Variants in MYH7 observed in about 807,000 individuals in gnomAD.
MYH7 encodes the protein myosin-7.
In MYH7, 129 loss-of-function variants were observed where a neutral mutation model predicts 225.4. The ratio of observed to expected loss-of-function variants is 0.57; its 90% CI spans 0.50 to 0.66. The LOEUF (loss-of-function observed/expected upper bound fraction) is 0.66. MYH7 is among the 30% of genes least tolerant of loss of function. The pLI is 0.00. For synonymous variants in MYH7, 971 were observed against 1,007.6 expected, an observed-to-expected ratio of 0.96 and a Z score of 0.69; for missense variants, 1,649 against 2,517.0, an observed-to-expected ratio of 0.66 and a Z score of 7.38.
rs1892131883 is a variant in MYH7 at position 23,415,098 on chromosome 14, A to C, written c.5456T>G (p.Val1819Gly). Residue 1819 changes from valine to glycine, a missense_variant, in exon 37 of 40, where the codon GTG (valine) becomes GGG (glycine). This residue lies in a region of MYH7 where 687 missense variants were observed against 913.8 expected (regional missense o/e 0.75). Coordinates refer to ENST00000355349, the MANE Select transcript of MYH7 (RefSeq NM_000257.4). The surrounding 1 kb of genome is among the most constrained non-coding windows in gnomAD (Gnocchi z 6.3). ...KKQLQKLEAR[V>G]RELENELEAE... ...CTCCAGCTCATTCTCCAGCTCCCGC[A>C]CCCGCGCTTCCAGCTTCTGCAGCTG... is the stretch of plus-strand genomic sequence containing the variant. 1 of 1,613,950 alleles carries C rather than the reference A, an allele frequency of 6.2e-7. No homozygotes were observed. Among genetic ancestry groups the C allele is most frequent in the East Asian group, 2.2e-5 (1 of 44,876 alleles).
intron 10 of MYH7, 78 bp downstream of exon 10, chr14:23,430,823 C>A (rs1892899807): frequency 7.6e-7 from 1 of 1,316,778 alleles, no homozygotes. Context: ...CCAGGGCATG[C>A]CAGCTGAGTC....
intron 13 of MYH7, 34 bp downstream of exon 13, chr14:23,429,195 C>G (rs578110720): frequency 6.2e-7 from 1 of 1,613,810 alleles, no homozygotes; most frequent in Non-Finnish European, 8.5e-7. Context: ...TCTCCCTACC[C>G]TGCCCACCCA....
intron 14 of MYH7, 58 bp downstream of exon 14, chr14:23,428,897 T>C (rs1230854886): frequency 1.2e-6 from 2 of 1,613,126 alleles, no homozygotes; most frequent in African/African-American, 2.7e-5. Context: ...AGCAAATAGC[T>C]GTTGAATGTG....
chr14:23,413,317 C>A lies in MYH7; in HGVS notation c.5790+442G>T, dbSNP rs192106139. Reference sequence around the variant, plus strand: ...GAGCTGAGCTGGGAGTGGTGGCTCACGCCTGTAATCCCGTACTTTGGGAGG... The same window carrying A: ...GAGCTGAGCTGGGAGTGGTGGCTCAAGCCTGTAATCCCGTACTTTGGGAGG... On this transcript the variant is annotated intron_variant, in intron 39 of 39. Transcript: ENST00000355349. Among the ~76,000 whole-genome samples the A allele has an allele frequency of 2.6e-5, 4 of 152,264 alleles. No homozygotes were observed. In the South Asian group the frequency reaches 6.2e-4, roughly 24 times the overall value.
Position 23,431,466 on chromosome 14 carries a change from T to C in MYH7, c.748A>G (p.Ile250Val), listed in dbSNP as rs397516268. ...AACTTTCCTGTTGCCCCAAAATGAATTCGAATGAATTTCCCCTGGAGAGAT... is the reference window on the plus strand; with the variant it reads ...AACTTTCCTGTTGCCCCAAAATGAACTCGAATGAATTTCCCCTGGAGAGAT... ...NSSRFGKFIRIHFGATGKLAS... is the reference protein window; with the variant it reads ...NSSRFGKFIRVHFGATGKLAS... Residue 250 changes from isoleucine (I) to valine (V), a missense_variant, in exon 9 of 40, where the codon ATT becomes GTT. Coordinates refer to ENST00000355349, the MANE Select transcript of MYH7 (RefSeq NM_000257.4). The C allele has an allele frequency of 1.2e-6, 2 of 1,614,126 alleles. No homozygotes were observed. Among genetic ancestry groups the C allele is most frequent in the Admixed American group, 1.7e-5 (1 of 60,022 alleles).
In MYH7 at chr14:23,431,014, G is replaced by A. The variant is rs759582547; in HGVS notation, c.797-15C>T. Reference sequence around the variant, plus strand: ...TTCCAGAAGATCTGTGAACAGGTGGGGAGAAGAAGGAGAGAAAGAAAAGTT... The same window carrying A: ...TTCCAGAAGATCTGTGAACAGGTGGAGAGAAGAAGGAGAGAAAGAAAAGTT... On this transcript the variant is annotated splice_polypyrimidine_tract_variant and intron_variant, in intron 9 of 39. Coordinates refer to ENST00000355349, the MANE Select transcript of MYH7 (RefSeq NM_000257.4). 6.4e-7 allele frequency: 1 copy of A among 1,564,578 alleles called. No homozygotes were observed.
intron 6 of MYH7, 78 bp from the exon 7 acceptor site, chr14:23,431,947 G>A: frequency 6.9e-7 from 1 of 1,458,012 alleles, no homozygotes. Context: ...GAGAATGCCT[G>A]GGCCTACCCG....
intron 30 of MYH7, 58 bp downstream of exon 30, chr14:23,418,152 G>T (rs1892304783): frequency 1.2e-6 from 2 of 1,611,456 alleles, no homozygotes; most frequent in East Asian, 4.5e-5. Context: ...GGCTGGGGCT[G>T]GGCTGAGTCC....
chr14:23,430,581 A>G lies in MYH7; in HGVS notation c.978T>C (p.Ala326=), dbSNP rs1317115671. The G allele has an allele frequency of 6.2e-7, 1 of 1,613,824 alleles. No individual in the cohort carries two copies. Among genetic ancestry groups the G allele is most frequent in the Non-Finnish European group, 8.5e-7 (1 of 1,179,880 alleles). The part of the protein sequence containing the change: ...GETTVASIDD[A]EELMATDNAF... The stretch of plus-strand genomic sequence containing the variant: ...TCACATCAGTGGCCATGAGCTCCTC[A>G]GCGTCATCAATGGAGGCCACGGTGG... Residue 326 remains alanine, a synonymous_variant, in exon 11 of 40, where the codon GCT becomes GCC. Coordinates refer to ENST00000355349, the MANE Select transcript of MYH7 (RefSeq NM_000257.4).
chr14:23,415,282 A>T lies in MYH7; in HGVS notation c.5284-12T>A, dbSNP rs1892143308. 3 of 1,614,160 alleles carry T rather than the reference A, an allele frequency of 1.9e-6. No individual in the cohort carries two copies. The East Asian group carries it at 6.7e-5, about 36-fold the overall frequency. On this transcript the variant is annotated splice_polypyrimidine_tract_variant and intron_variant, in intron 36 of 39. Transcript: ENST00000355349. This position sits in a 1 kb window ranked among gnomAD's most constrained non-coding sequence, Gnocchi z 6.3. ...GCCATCATGGCGGCCTGTGTGCAGGAGAGAGGTGGCACATGGTCTGGTCAA... is the reference window on the plus strand; with the variant it reads ...GCCATCATGGCGGCCTGTGTGCAGGTGAGAGGTGGCACATGGTCTGGTCAA...
rs121913630 is a variant in MYH7 at position 23,425,814 on chromosome 14, G to A, written c.2167C>T (p.Arg723Cys). The A allele has an allele frequency of 2.2e-5, 36 of 1,613,830 alleles. No individual in the cohort carries two copies. Among genetic ancestry groups the A allele is most frequent in the Non-Finnish European group, 2.9e-5 (34 of 1,179,882 alleles). Residue 723 changes from arginine (R) to cysteine (C), a missense_variant, in exon 20 of 40, where the codon CGC becomes TGC. This residue lies in a region of MYH7 where 41 missense variants were observed against 124.8 expected (regional missense o/e 0.33). Coordinates refer to ENST00000355349, the MANE Select transcript of MYH7 (RefSeq NM_000257.4). This position sits in a 1 kb window ranked among gnomAD's most constrained non-coding sequence, Gnocchi z 4.6. Reference protein sequence around the residue: ...ILYGDFRQRYRILNPAAIPEG... With the variant: ...ILYGDFRQRYCILNPAAIPEG... ...GGGATGGCCGCTGGGTTCAGGATGC[G>A]ATACCTGAGGAGGGAAGTGTCCAGA... is the stretch of plus-strand genomic sequence containing the variant.
At chr14:23,428,411 TC>T in intron 15 of MYH7, 88 bp downstream of exon 15, 1 of 1,591,060 alleles carries the variant, frequency 6.3e-7, no homozygotes, top group South Asian at 1.1e-5. Context: ...ATTTTTATAT[TC>T]CCCAGAAGGG....
chr14:23,429,140 T>A (rs752545990), intron 13 of MYH7, 36 bp from the exon 14 acceptor site: 15 of 1,614,022 alleles, frequency 9.3e-6, no homozygotes, highest in African/African-American at 1.3e-5. Context: ...TTGAGCAGGG[T>A]TGTTGGGAAG....
In MYH7 at chr14:23,434,190, T is replaced by C. The variant is rs945553613; in HGVS notation, c.-9+4A>G. 3 of 1,063,110 alleles carry C rather than the reference T, an allele frequency of 2.8e-6. No individual in the cohort carries two copies. Among genetic ancestry groups the C allele is most frequent in the Non-Finnish European group, 2.3e-6 (2 of 876,720 alleles). 65.9% of individuals were successfully genotyped at this position (1,063,110 alleles called of 1,614,324 possible). On this transcript the variant is annotated splice_donor_region_variant and intron_variant, in intron 2 of 39. Coordinates refer to ENST00000355349, the MANE Select transcript of MYH7 (RefSeq NM_000257.4). ...TTCAACACTCTAGCTTCAGCTTTTC[T>C]TACCTGGGCTACTCAAGTGTGTCTA...
chr14:23,420,108 C>T lies in MYH7; in HGVS notation c.3463G>A (p.Gly1155Arg). Reference protein sequence around the residue: ...EISERLEEAGGATSVQIEMNK... With the variant: ...EISERLEEAGRATSVQIEMNK... Reference sequence around the variant, plus strand: ...ATCTCGATCTGCACGGACGTGGCCCCGCCGGCCTCTTCCAGCCGCTCGCTG... The same window carrying T: ...ATCTCGATCTGCACGGACGTGGCCCTGCCGGCCTCTTCCAGCCGCTCGCTG... Residue 1155 changes from glycine (G) to arginine (R), a missense_variant, in exon 27 of 40, where the codon GGG becomes AGG. This residue lies in a region of MYH7 where 106 missense variants were observed against 198.8 expected (regional missense o/e 0.53). Coordinates refer to ENST00000355349, the MANE Select transcript of MYH7 (RefSeq NM_000257.4). The T allele has an allele frequency of 6.2e-7, 1 of 1,604,410 alleles. No individual in the cohort carries two copies.
chr14:23,414,560 C>G (rs58290801), intron 37 of MYH7, among the ~76,000 whole-genome samples: 11,070 of 152,268 alleles, frequency 0.073, 960 homozygotes, highest in African/African-American at 0.21. Flanking sequence ...GGAAAAGAAA[C>G]AAATTCTAAT....
chr14:23,419,341 T>A (rs1892367093), intron 28 of MYH7, 46 bp from the exon 29 acceptor site: 2 of 1,612,550 alleles, frequency 1.2e-6, no homozygotes, highest in East Asian at 4.5e-5. Flanking sequence ...TATCCCCACC[T>A]CCTCCTCTAG....
At position 23,415,841 on chromosome 14, in the gene MYH7, C is replaced by T; in HGVS notation, c.4954-9G>A. On this transcript the variant is annotated splice_polypyrimidine_tract_variant and intron_variant, in intron 34 of 39. Transcript: ENST00000355349. The surrounding 1 kb of genome is among the most constrained non-coding windows in gnomAD (Gnocchi z 6.3). ...AGCTGAATCTGGGTGTCCTGAGGAT[C>T]AGGAGAGTGGGCATGAGCAGGGAGC... The T allele has an allele frequency of 6.2e-7, 1 of 1,614,186 alleles. No individual in the cohort carries two copies. Among genetic ancestry groups the T allele is most frequent in the Non-Finnish European group, 8.5e-7 (1 of 1,180,040 alleles).
intron 4 of MYH7, 117 bp from the exon 5 acceptor site, chr14:23,432,912 C>T (rs960841486): frequency 5.3e-6 from 8 of 1,505,586 alleles, no homozygotes; most frequent in Non-Finnish European, 7.3e-6. Flanking sequence ...TCTGCATGCA[C>T]TCAATCTGAG....
Sources: gnomAD v4.1 joint callset for allele counts (sites outside exome capture counted in the v4.1 genomes callset) on GRCh38, gnomAD v4.1.1 for gene constraint, gnomAD v4.1.1 regional missense constraint, Gnocchi (gnomAD v3.1) non-coding constraint, MANE v1.5 for transcripts, NCBI Gene and HGNC (gene_info 2026-07-23, HGNC 2026-07-21) for gene names.